Variants in IFFO2 observed in about 807,000 individuals in gnomAD.
The protein encoded by IFFO2 is intermediate filament family orphan 2.
A neutral mutation model predicts 53.5 loss-of-function variants in IFFO2; 19 were observed. The observed-to-expected ratio is 0.36, with a 90% CI of 0.25 to 0.52. The LOEUF is 0.52. Ranked by LOEUF, IFFO2 falls within the 20% of genes least tolerant of loss-of-function variation. IFFO2 has a pLI of 0.94. For missense variants in IFFO2, 570 were observed against 727.4 expected (o/e 0.78, Z 2.49); for synonymous variants, 303 against 313.6 (o/e 0.97, Z 0.36).
chr1:18,946,440 A>C (rs1569865050), intron 1 of IFFO2, among the ~76,000 whole-genome samples: 1 of 98,772 alleles, frequency 1.0e-5, no homozygotes, highest in Non-Finnish European at 1.9e-5. Flanking sequence ...TTTGAGATGG[A>C]GGCTCACTCT....
intron 1 of IFFO2, among the ~76,000 whole-genome samples, chr1:18,942,113 C>T (rs895560386): frequency 6.6e-6 from 1 of 152,198 alleles, no homozygotes; most frequent in Non-Finnish European, 1.5e-5. Flanking sequence ...CACTGTGCCG[C>T]GTTTTCCTTT....
intron 1 of IFFO2, among the ~76,000 whole-genome samples, chr1:18,939,705 A>G (rs1339578943): frequency 6.6e-6 from 1 of 152,190 alleles, no homozygotes. Context: ...CAGCAAGGTA[A>G]TGGTGCTGCC....
chr1:18,951,019 G>C (rs1936653396), intron 1 of IFFO2, among the ~76,000 whole-genome samples: 1 of 152,246 alleles, frequency 6.6e-6, no homozygotes, highest in African/African-American at 2.4e-5. Flanking sequence ...GGCCAGCTCT[G>C]CACGGCAGAT....
chr1:18,940,375 C>A (rs1936504071), intron 1 of IFFO2, among the ~76,000 whole-genome samples: 1 of 152,168 alleles, frequency 6.6e-6, no homozygotes, highest in South Asian at 2.1e-4. Flanking sequence ...CCCTCTCTGA[C>A]AAAAGGGAGA....
rs1016099429 is a variant in IFFO2, at chr1:18,936,414, CGT to C, written c.666-15295_666-15294del. ...TGGACCCTCCACCCCATCCCCATCCCGTGTCTGCTGGCTCTTGCTTAAGTGGA... is the reference window on the plus strand; with the variant it reads ...TGGACCCTCCACCCCATCCCCATCCCGTCTGCTGGCTCTTGCTTAAGTGGA... On this transcript the variant is annotated intron_variant, in intron 1 of 8. Coordinates refer to ENST00000455833, the MANE Select transcript of IFFO2 (RefSeq NM_001136265.2). This position sits in a 1 kb window ranked among gnomAD's most constrained non-coding sequence, Gnocchi z 4.5. Among the ~76,000 whole-genome samples the C allele has an allele frequency of 9.8e-5, 15 of 152,324 alleles. No homozygotes were observed. Among genetic ancestry groups the C allele is most frequent in the Non-Finnish European group, 8.8e-5 (6 of 68,024 alleles).
At chr1:18,909,024 G>A (rs779337993) in intron 8 of IFFO2, among the ~76,000 whole-genome samples, 3 of 151,856 alleles carry the variant, frequency 2.0e-5, no homozygotes, top group Non-Finnish European at 4.4e-5. Context: ...TGCGGGATAT[G>A]GTTAACATCA....
Position 18,934,057 on chromosome 1 carries a change from C to CTTTTTT in IFFO2, c.666-12942_666-12937dup, listed in dbSNP as rs71577808. ...TGTGAATAGCTTATTTCTCTTATTTCTTTTTTTTTTTTTTTTTTTTTTTTT... is the reference window on the plus strand; with the variant it reads ...TGTGAATAGCTTATTTCTCTTATTTCTTTTTTTTTTTTTTTTTTTTTTTTTTTTTTT... On this transcript the variant is annotated intron_variant, in intron 1 of 8. Coordinates refer to ENST00000455833, the MANE Select transcript of IFFO2 (RefSeq NM_001136265.2). Among the ~76,000 whole-genome samples, 144 of 70,314 alleles carry CTTTTTT rather than the reference C, an allele frequency of 2.0e-3. 39 individuals are homozygous for CTTTTTT. Among genetic ancestry groups the CTTTTTT allele is most frequent in the African/African-American group, 6.0e-3 (87 of 14,504 alleles). 46.1% of individuals were successfully genotyped at this position (70,314 alleles called of 152,430 possible).
chr1:18,908,173 ACGG>A lies in IFFO2; in HGVS notation c.*385_*387del. 3.0e-5 allele frequency: 7 copies of A among 231,508 alleles called. No individual in the cohort carries two copies. Among genetic ancestry groups the A allele is most frequent in the South Asian group, 1.8e-4 (3 of 17,130 alleles). 14.3% of individuals were successfully genotyped at this position (231,508 alleles called of 1,614,324 possible). A position where few individuals can be genotyped will look rare whatever the true frequency, so the allele number is the denominator to read the frequency against. Reference sequence around the variant, plus strand: ...CGGACGGCAGAAACCACATTACACCACGGCCGGTTGGCCCGGCCCTCAGCTTAG... The same window carrying A: ...CGGACGGCAGAAACCACATTACACCACCGGTTGGCCCGGCCCTCAGCTTAG... On this transcript the variant is annotated 3_prime_UTR_variant, in exon 9 of 9. Coordinates refer to ENST00000455833, the MANE Select transcript of IFFO2 (RefSeq NM_001136265.2).
Position 18,950,956 on chromosome 1 carries a change from T to C in IFFO2, c.665+4712A>G, listed in dbSNP as rs147776025. Among the ~76,000 whole-genome samples the C allele has an allele frequency of 1.4e-3, 207 of 152,146 alleles. 1 individual carries two copies. The Middle Eastern group carries it at 0.014, about 10-fold the overall frequency. On this transcript the variant is annotated intron_variant, in intron 1 of 8. Transcript: ENST00000455833. ...GACATACAAAAAGGTGGAAAGAACA[T>C]AACAAAGCCTCGACTGCTGGCGGAT...
intron 5 of IFFO2, among the ~76,000 whole-genome samples, chr1:18,914,940 A>G (rs566448483): frequency 6.6e-6 from 1 of 151,942 alleles, no homozygotes; most frequent in African/African-American, 2.4e-5. Context: ...TAAATAGCAA[A>G]CCCCCAAAAT....
In IFFO2 at chr1:18,909,060, C is replaced by T. The variant is rs572930985; in HGVS notation, c.1449-394G>A. ...CTGGGGTGCAGTTCTGATTCTATCT[C>T]GGATGAGCTGGGGGTGGGGGAACTT... On this transcript the variant is annotated intron_variant, in intron 8 of 8. Transcript: ENST00000455833. 3.9e-5 allele frequency among the ~76,000 whole-genome samples: 6 copies of T among 151,962 alleles called. 1 individual carries two copies. The Middle Eastern group carries it at 0.01, about 258-fold the overall frequency.
In IFFO2 at chr1:18,916,074, G is replaced by A. The variant is rs767831093; in HGVS notation, c.1103+829C>T. 4.6e-5 allele frequency among the ~76,000 whole-genome samples: 7 copies of A among 151,898 alleles called. No homozygotes were observed. Among genetic ancestry groups the A allele is most frequent in the Non-Finnish European group, 8.8e-5 (6 of 67,998 alleles). Reference sequence around the variant, plus strand: ...CGGGAGGCAGAGGTTGCAGTGAGCCGAGATCTGGCCGCTATACTCCAGTCT... The same window carrying A: ...CGGGAGGCAGAGGTTGCAGTGAGCCAAGATCTGGCCGCTATACTCCAGTCT... On this transcript the variant is annotated intron_variant, in intron 5 of 8. Coordinates refer to ENST00000455833, the MANE Select transcript of IFFO2 (RefSeq NM_001136265.2). This position sits in a 1 kb window ranked among gnomAD's most constrained non-coding sequence, Gnocchi z 4.3.
intron 5 of IFFO2, among the ~76,000 whole-genome samples, chr1:18,913,933 G>T (rs1035157454): frequency 6.7e-6 from 1 of 150,176 alleles, no homozygotes. Flanking sequence ...TGGGGTTCAC[G>T]CCATTCTCCT....
At chr1:18,939,011 C>G (rs1033407394) in intron 1 of IFFO2, among the ~76,000 whole-genome samples, 1 of 152,214 alleles carries the variant, frequency 6.6e-6, no homozygotes. Flanking sequence ...GCTAGTGTCC[C>G]CCTGGCAACT....
In IFFO2 at chr1:18,919,897, G is replaced by A; in HGVS notation, c.727-124C>T. The stretch of plus-strand genomic sequence containing the variant: ...ACCCCAGCTGGGCACCTGCAGCCAG[G>A]GAAGGGGCACCAAGGACCTCATCCC... On this transcript the variant is annotated intron_variant, in intron 2 of 8. Coordinates refer to ENST00000455833, the MANE Select transcript of IFFO2 (RefSeq NM_001136265.2). This position sits in a 1 kb window ranked among gnomAD's most constrained non-coding sequence, Gnocchi z 4.9. 1.5e-6 allele frequency: 1 copy of A among 647,086 alleles called. No homozygotes were observed. Among genetic ancestry groups the A allele is most frequent in the Non-Finnish European group, 2.7e-6 (1 of 367,428 alleles). 40.1% of individuals were successfully genotyped at this position (647,086 alleles called of 1,614,324 possible). A position where few individuals can be genotyped will look rare whatever the true frequency, so the allele number is the denominator to read the frequency against.
rs1267133393 is a variant in IFFO2, at chr1:18,912,100, A to G, written c.1104-17T>C. ...GTCTCCCGCCTGTGGGGGTGACACC[A>G]GAGGGCATGACTGAACAGAAGGCAG... On this transcript the variant is annotated splice_polypyrimidine_tract_variant and intron_variant, in intron 5 of 8. Coordinates refer to ENST00000455833, the MANE Select transcript of IFFO2 (RefSeq NM_001136265.2). 6.4e-7 allele frequency: 1 copy of G among 1,551,304 alleles called. No individual in the cohort carries two copies. The highest frequency in any genetic ancestry group is 8.7e-7 in the Non-Finnish European group (1 of 1,146,802).
chr1:18,926,368 A>G (rs1195016409), intron 1 of IFFO2, among the ~76,000 whole-genome samples: 1 of 152,198 alleles, frequency 6.6e-6, no homozygotes, highest in East Asian at 1.9e-4. Context: ...CAGGGCAGGA[A>G]GCAGGCAGGA....
intron 8 of IFFO2, 27 bp from the exon 9 acceptor site, chr1:18,908,693 T>A: frequency 6.6e-7 from 1 of 1,510,806 alleles, no homozygotes; most frequent in Non-Finnish European, 9.0e-7. Context: ...AGTGGGGAAA[T>A]TCAGAGAGCA....
At chr1:18,940,161 A>G (rs1936501718) in intron 1 of IFFO2, among the ~76,000 whole-genome samples, 1 of 152,210 alleles carries the variant, frequency 6.6e-6, no homozygotes, top group Non-Finnish European at 1.5e-5. Flanking sequence ...GTCTCTCAGA[A>G]CAGAGGCTGC....
Sources: allele counts gnomAD v4.1 joint callset (sites outside exome capture counted in the v4.1 genomes callset), GRCh38; gene constraint gnomAD v4.1.1; non-coding constraint Gnocchi (gnomAD v3.1); transcripts MANE v1.5; gene names NCBI Gene and HGNC (gene_info 2026-07-23, HGNC 2026-07-21).